AKAP8: variants seen among roughly 807,000 people sequenced by gnomAD.
The protein encoded by AKAP8 is A-kinase anchor protein 8.
AKAP8 carries 24 observed loss-of-function variants against 67.5 expected under a neutral mutation model. The ratio of observed to expected loss-of-function variants is 0.36; its 90% CI spans 0.26 to 0.50. The LOEUF is 0.50. AKAP8 is among the 20% of genes least tolerant of loss of function. The pLI, the probability that AKAP8 is intolerant of heterozygous loss-of-function variation, is 0.97. For missense variants in AKAP8, 971 were observed against 955.9 expected (o/e 1.02, Z -0.21); for synonymous variants, 400 against 371.1 (o/e 1.08, Z -0.90).
chr19:15,375,887 C>T (rs1237173224), intron 2 of AKAP8, among the ~76,000 whole-genome samples: 1 of 151,842 alleles, frequency 6.6e-6, no homozygotes, highest in African/African-American at 2.4e-5. Context: ...ATCTGCCCGC[C>T]TCGGCCTCCC....
At chr19:15,367,903 A>G (rs1265708519) in intron 9 of AKAP8, among the ~76,000 whole-genome samples, 1 of 152,246 alleles carries the variant, frequency 6.6e-6, no homozygotes, top group East Asian at 1.9e-4. Context: ...GCTGCTGAGC[A>G]GTTATGGACC....
rs1967207035 is a variant in AKAP8 at position 15,373,930 on chromosome 19, T to G, written c.227A>C (p.His76Pro). The G allele has an allele frequency of 6.2e-7, 1 of 1,613,802 alleles. No individual in the cohort carries two copies. The highest frequency in any genetic ancestry group is 8.5e-7 in the Non-Finnish European group (1 of 1,179,950). ...GGLAAGAPAM[H>P]MASYGPEPCT... ...TGGCTCTGGGCCGTAAGAGGCCATGTGCATGGCAGGGGCCCCGGCCGCCAG... is the reference window on the plus strand; with the variant it reads ...TGGCTCTGGGCCGTAAGAGGCCATGGGCATGGCAGGGGCCCCGGCCGCCAG... The change falls in exon 4 of 14, where the codon CAC (histidine) becomes CCC (proline). Residue 76 changes from histidine to proline, a missense_variant. Coordinates refer to ENST00000269701, the MANE Select transcript of AKAP8 (RefSeq NM_005858.4).
chr19:15,361,406 A>G (rs1966964000), intron 11 of AKAP8: 1 of 246,630 alleles, frequency 4.1e-6, no homozygotes, highest in Non-Finnish European at 7.8e-6. Flanking sequence ...GCTGGAGTGC[A>G]GTGGTGCAAT....
intron 9 of AKAP8, among the ~76,000 whole-genome samples, chr19:15,363,341 C>T (rs1160008549): frequency 1.1e-4 from 10 of 92,702 alleles, no homozygotes; most frequent in Non-Finnish European, 2.2e-4. Context: ...GCCGCTCCGT[C>T]CGGGAGGGAG....
In AKAP8 at chr19:15,377,932, T is replaced by C. The variant is rs75490630; in HGVS notation, c.20-918A>G. Among the ~76,000 whole-genome samples, 1,406 of 152,268 alleles carry C rather than the reference T, an allele frequency of 9.2e-3. 20 individuals carry two copies. The highest frequency in any genetic ancestry group is 0.032 in the African/African-American group (1,329 of 41,556). On this transcript the variant is annotated intron_variant, in intron 1 of 13. Transcript: ENST00000269701. ...GAAGGAGAATGGGAACTGTGTTCTC[T>C]TTATTTCTGTGTCCCTGGGGCCCAG...
At chr19:15,363,036 TCTGC>T (rs1966999545) in intron 9 of AKAP8, among the ~76,000 whole-genome samples, 1 of 150,752 alleles carries the variant, frequency 6.6e-6, no homozygotes, top group African/African-American at 2.5e-5. Flanking sequence ...GAGGAGCGTC[TCTGC>T]CTGGCCGCCC....
At chr19:15,378,451 C>T (rs1462755346) in intron 1 of AKAP8, among the ~76,000 whole-genome samples, 2 of 152,088 alleles carry the variant, frequency 1.3e-5, no homozygotes, top group Non-Finnish European at 2.9e-5. Flanking sequence ...GTAAAAAAAA[C>T]CTCTCCAAAC....
At chr19:15,376,922 G>A in intron 2 of AKAP8, 54 bp downstream of exon 2, 6 of 1,586,364 alleles carry the variant, frequency 3.8e-6, no homozygotes, top group Non-Finnish European at 4.3e-6. Flanking sequence ...TGCCATGCTA[G>A]GGCCTTGAGT....
intron 5 of AKAP8, 40 bp from the exon 6 acceptor site, chr19:15,372,387 G>A: frequency 1.2e-6 from 2 of 1,602,820 alleles, no homozygotes; most frequent in Non-Finnish European, 1.7e-6. Context: ...ACTTACGAGG[G>A]CCATGAAGAT....
At chr19:15,367,301 G>A (rs551362798) in intron 9 of AKAP8, among the ~76,000 whole-genome samples, 7 of 152,236 alleles carry the variant, frequency 4.6e-5, no homozygotes, top group South Asian at 4.1e-4. Context: ...AGGCCAAGGC[G>A]GGCAGATCAC....
intron 7 of AKAP8, among the ~76,000 whole-genome samples, chr19:15,370,914 G>A (rs549485078): frequency 1.3e-5 from 2 of 152,292 alleles, no homozygotes; most frequent in South Asian, 2.1e-4. Flanking sequence ...ACAGGTGTGA[G>A]CCACCGCGCC....
chr19:15,379,654 G>A, intron 1 of AKAP8, 59 bp downstream of exon 1: 6 of 1,564,266 alleles, frequency 3.8e-6, no homozygotes, highest in Middle Eastern at 1.7e-4. Context: ...CTGCGCAGCG[G>A]CTGCGTCGCC....
chr19:15,372,967 A>G lies in AKAP8; in HGVS notation c.745T>C (p.Ser249Pro). ...CCGTAGTCGGGAGCCATGGACTGGG[A>G]GAAGAGGGACGGAGGTGGCCGGCTG... is the stretch of plus-strand genomic sequence containing the variant. ...SPSRPPPSLF[S>P]QSMAPDYGVM... Residue 249 changes from serine to proline, a missense_variant, in exon 5 of 14, where the codon TCC (serine) becomes CCC (proline). Ser to Pro is a moderately conservative substitution (Grantham distance 74, BLOSUM62 -1). Transcript: ENST00000269701. 6.4e-7 allele frequency: 1 copy of G among 1,560,212 alleles called. No individual in the cohort carries two copies. Among genetic ancestry groups the G allele is most frequent in the East Asian group, 2.3e-5 (1 of 44,378 alleles).
intron 2 of AKAP8, 29 bp downstream of exon 2, chr19:15,376,947 G>A: frequency 6.2e-7 from 1 of 1,606,408 alleles, no homozygotes; most frequent in Non-Finnish European, 8.5e-7. Context: ...GGAAGCCCAC[G>A]CCTCACCCGC....
chr19:15,374,132 C>G (rs1023829440), intron 3 of AKAP8, 67 bp from the exon 4 acceptor site: 4 of 1,500,740 alleles, frequency 2.7e-6, no homozygotes, highest in Non-Finnish European at 2.7e-6. Context: ...TGGACACAAC[C>G]GGGGAGGGGC....
rs919900247 is a variant in AKAP8 at position 15,354,449 on chromosome 19, G to T, written c.*466C>A. On this transcript the variant is annotated 3_prime_UTR_variant, in exon 14 of 14. Coordinates refer to ENST00000269701, the MANE Select transcript of AKAP8 (RefSeq NM_005858.4). ...CTGTGAAAGTCACACACCATATGGT[G>T]CACTACAAAGGTATAGGTTAAAGGC... 1 of 165,980 alleles carries T rather than the reference G, an allele frequency of 6.0e-6. No individual in the cohort carries two copies. The highest frequency in any genetic ancestry group is 5.5e-5 in the Admixed American group (1 of 18,056). The allele number at this position is 165,980 out of a possible 1,614,324, so 10.3% of individuals were successfully genotyped here. A position where few individuals can be genotyped will look rare whatever the true frequency, so the allele number is the denominator to read the frequency against.
intron 9 of AKAP8, among the ~76,000 whole-genome samples, chr19:15,364,328 A>T (rs2145070579): frequency 6.6e-6 from 1 of 150,526 alleles, no homozygotes; most frequent in East Asian, 1.9e-4. Flanking sequence ...AGCCTGGCTA[A>T]ATTTTTGTAT....
chr19:15,361,858 G>C (rs1966972033), intron 10 of AKAP8, 36 bp from the exon 11 acceptor site: 6 of 1,580,106 alleles, frequency 3.8e-6, no homozygotes, highest in Non-Finnish European at 5.2e-6. Flanking sequence ...AGTAAAATGA[G>C]AGGTGGGCGC....
chr19:15,372,472 GAC>G (rs1967175988), intron 5 of AKAP8, 125 bp from the exon 6 acceptor site: 6 of 1,334,658 alleles, frequency 4.5e-6, no homozygotes, highest in Admixed American at 5.4e-5. Flanking sequence ...AAAGCAAAGA[GAC>G]AACATAATTT....
Sources: gnomAD v4.1 joint callset for allele counts (sites outside exome capture counted in the v4.1 genomes callset) on GRCh38, gnomAD v4.1.1 for gene constraint, MANE v1.5 for transcripts, NCBI Gene and HGNC (gene_info 2026-07-23, HGNC 2026-07-21) for gene names.